Variants in EPHB3 observed in about 807,000 individuals in gnomAD.
EPHB3 encodes EPH receptor B3, also known as ephrin type-B receptor 3.
EPHB3 carries 33 observed loss-of-function variants against 100.2 expected under a neutral mutation model. The observed-to-expected ratio is 0.33, with a 90% CI of 0.25 to 0.44. The LOEUF (loss-of-function observed/expected upper bound fraction) is 0.44, where lower values mean the gene tolerates loss of function less well. EPHB3 is among the 20% of genes least tolerant of loss of function. The pLI, the probability that EPHB3 is intolerant of heterozygous loss-of-function variation, is 1.00. For synonymous variants in EPHB3, 526 were observed against 554.7 expected (o/e 0.95, Z 0.73); for missense variants, 1,045 against 1,378.3 (o/e 0.76, Z 3.83).
At position 184,580,561 on chromosome 3, in the gene EPHB3, G is replaced by A; in HGVS notation, c.2332G>A (p.Gly778Ser). 1 of 1,614,202 alleles carries A rather than the reference G, an allele frequency of 6.2e-7. No homozygotes were observed. The stretch of plus-strand genomic sequence containing the variant: ...CCTGGTCTGCAAAGTCTCAGACTTT[G>A]GCCTCTCCCGCTTCCTGGAGGATGA... ...SNLVCKVSDF[G>S]LSRFLEDDPS... The change falls in exon 12 of 16, where the codon GGC becomes AGC. Residue 778 changes from glycine to serine, a missense_variant. By Grantham distance (56) the Gly-to-Ser change is moderately conservative. Coordinates refer to ENST00000330394, the MANE Select transcript of EPHB3 (RefSeq NM_004443.4).
At chr3:184,564,666 C>T (rs1411956632) in intron 1 of EPHB3, among the ~76,000 whole-genome samples, 1 of 152,064 alleles carries the variant, frequency 6.6e-6, no homozygotes, top group Non-Finnish European at 1.5e-5. Context: ...AAGGTTGGTG[C>T]AGGGGGCTGG....
Position 184,578,786 on chromosome 3 carries a change from G to A in EPHB3, c.1801+320G>A, listed in dbSNP as rs1247021634. On this transcript the variant is annotated intron_variant, in intron 9 of 15. Transcript: ENST00000330394. The surrounding 1 kb of genome is among the most constrained non-coding windows in gnomAD (Gnocchi z 4.7). Reference sequence around the variant, plus strand: ...TGAGCTGGGTGCTCCTGTTGTAAAGGGCACTAAGAGTTTAGAGAAGAGGAA... The same window carrying A: ...TGAGCTGGGTGCTCCTGTTGTAAAGAGCACTAAGAGTTTAGAGAAGAGGAA... Among the ~76,000 whole-genome samples, 1 of 152,210 alleles carries A rather than the reference G, an allele frequency of 6.6e-6. No individual in the cohort carries two copies. Among genetic ancestry groups the A allele is most frequent in the South Asian group, 2.1e-4 (1 of 4,832 alleles).
rs146794652 is a variant in EPHB3, at chr3:184,579,835, C to T, written c.2073C>T (p.His691=). The change falls in exon 11 of 16, where the codon CAC becomes CAT. Residue 691 remains histidine (H), a synonymous_variant. Coordinates refer to ENST00000330394, the MANE Select transcript of EPHB3 (RefSeq NM_004443.4). This position sits in a 1 kb window ranked among gnomAD's most constrained non-coding sequence, Gnocchi z 5.2. ...CCTCCATCATGGGTCAGTTTGATCA[C>T]CCCAATATAATCCGGCTCGAGGGCG... ...SEASIMGQFD[H]PNIIRLEGVV... 7.0e-5 allele frequency: 113 copies of T among 1,613,522 alleles called. No homozygotes were observed. The highest frequency in any genetic ancestry group is 9.2e-5 in the Non-Finnish European group (108 of 1,179,950).
rs1174386736 is a variant in EPHB3, at chr3:184,582,289, C to T, written c.*667C>T. 2.0e-5 allele frequency: 3 copies of T among 152,206 alleles called. No individual in the cohort carries two copies. Among genetic ancestry groups the T allele is most frequent in the Non-Finnish European group, 2.9e-5 (2 of 69,010 alleles). The allele number at this position is 152,206 out of a possible 1,614,324, so 9.4% of individuals were successfully genotyped here. On this transcript the variant is annotated 3_prime_UTR_variant, in exon 16 of 16. Transcript: ENST00000330394. Reference sequence around the variant, plus strand: ...GTGTGTGTGTGTGTGCGCGCGCGCGCGCGTGTGTGTGTGCACGCACTGGCC... The same window carrying T: ...GTGTGTGTGTGTGTGCGCGCGCGCGTGCGTGTGTGTGTGCACGCACTGGCC...
chr3:184,581,569 A>G lies in EPHB3; in HGVS notation c.2944A>G (p.Ser982Gly). Residue 982 changes from serine to glycine, a missense_variant, in exon 16 of 16, where the codon AGT (serine) becomes GGT (glycine). By Grantham distance (56) the Ser-to-Gly change is moderately conservative (BLOSUM62 0). Transcript: ENST00000330394. ...LAGHQKKILS[S>G]IQDMRLQMNQ... ...CGGCCACCAGAAGAAGATCCTGAGC[A>G]GTATCCAGGACATGCGGCTGCAGAT... The G allele has an allele frequency of 6.2e-7, 1 of 1,613,924 alleles. No homozygotes were observed. The highest frequency in any genetic ancestry group is 8.5e-7 in the Non-Finnish European group (1 of 1,179,968).
Position 184,579,469 on chromosome 3 carries a change from C to T in EPHB3, c.1802-8C>T. 1.2e-6 allele frequency: 2 copies of T among 1,612,564 alleles called. No individual in the cohort carries two copies. Among genetic ancestry groups the T allele is most frequent in the Non-Finnish European group, 1.7e-6 (2 of 1,178,784 alleles). On this transcript the variant is annotated splice_region_variant and splice_polypyrimidine_tract_variant and intron_variant, in intron 9 of 15. Coordinates refer to ENST00000330394, the MANE Select transcript of EPHB3 (RefSeq NM_004443.4). This position sits in a 1 kb window ranked among gnomAD's most constrained non-coding sequence, Gnocchi z 5.2. ...TTACCCTCTCACGCCCACCTCTTCTCCCTCCAGTTGCTCCTGGAATGAAGG... is the reference window on the plus strand; with the variant it reads ...TTACCCTCTCACGCCCACCTCTTCTTCCTCCAGTTGCTCCTGGAATGAAGG...
chr3:184,571,522 C>A lies in EPHB3; in HGVS notation c.183+140C>A. 1 of 792,018 alleles carries A rather than the reference C, an allele frequency of 1.3e-6. No homozygotes were observed. 49.1% of individuals were successfully genotyped at this position (792,018 alleles called of 1,614,324 possible). A position where few individuals can be genotyped will look rare whatever the true frequency, so the allele number is the denominator to read the frequency against. ...TGCCTGTCACCCTCACTTCCTGTGCCATCCCCATCATCCTCACTTGTGACC... is the reference window on the plus strand; with the variant it reads ...TGCCTGTCACCCTCACTTCCTGTGCAATCCCCATCATCCTCACTTGTGACC... On this transcript the variant is annotated intron_variant, in intron 2 of 15. Transcript: ENST00000330394. The surrounding 1 kb of genome is among the most constrained non-coding windows in gnomAD (Gnocchi z 5.0).
At chr3:184,564,574 C>T (rs77470042) in intron 1 of EPHB3, among the ~76,000 whole-genome samples, 6,967 of 152,300 alleles carry the variant, frequency 0.046, 185 homozygotes, top group Middle Eastern at 0.068. Context: ...CTAGGGTCTG[C>T]TCCTTGGGGA....
In EPHB3 at chr3:184,580,731, C is replaced by G. The variant is rs368784730; in HGVS notation, c.2391C>G (p.Gly797=). Reference sequence around the variant, plus strand: ...AGGGCCTGTGCCCCCCTCACCAGGGCGGGAAGATCCCCATCCGCTGGACTG... The same window carrying G: ...AGGGCCTGTGCCCCCCTCACCAGGGGGGGAAGATCCCCATCCGCTGGACTG... ...PSDPTYTSSL[G]GKIPIRWTAP... The change falls in exon 13 of 16, where the codon GGC becomes GGG. Residue 797 remains glycine, a splice_region_variant and synonymous_variant. Transcript: ENST00000330394. 1 of 1,613,652 alleles carries G rather than the reference C, an allele frequency of 6.2e-7. No individual in the cohort carries two copies. The highest frequency in any genetic ancestry group is 8.5e-7 in the Non-Finnish European group (1 of 1,179,770).
chr3:184,577,630 G>C lies in EPHB3; in HGVS notation c.1480-28G>C. The C allele has an allele frequency of 6.3e-7, 1 of 1,575,708 alleles. No individual in the cohort carries two copies. Among genetic ancestry groups the C allele is most frequent in the African/African-American group, 1.3e-5 (1 of 74,506 alleles). Reference sequence around the variant, plus strand: ...CTGGTTGGCCTCAGGACCCACCTGAGGGTGCCCCCTCTCTCCTGGCATTGC... The same window carrying C: ...CTGGTTGGCCTCAGGACCCACCTGACGGTGCCCCCTCTCTCCTGGCATTGC... On this transcript the variant is annotated intron_variant, in intron 6 of 15. Coordinates refer to ENST00000330394, the MANE Select transcript of EPHB3 (RefSeq NM_004443.4). The surrounding 1 kb of genome is among the most constrained non-coding windows in gnomAD (Gnocchi z 4.9).
rs1035889775 is a variant in EPHB3, at chr3:184,571,743, G to C, written c.183+361G>C. ...AACCTTAGTTCCAGATCTTTAACTT[G>C]CTGTGTGACCTTGGGCAAGGCCGTT... On this transcript the variant is annotated intron_variant, in intron 2 of 15. Transcript: ENST00000330394. This position sits in a 1 kb window ranked among gnomAD's most constrained non-coding sequence, Gnocchi z 5.0. 1.3e-5 allele frequency among the ~76,000 whole-genome samples: 2 copies of C among 152,124 alleles called. No individual in the cohort carries two copies. The highest frequency in any genetic ancestry group is 2.9e-5 in the Non-Finnish European group (2 of 68,042).
At chr3:184,576,265 C>A (rs922236758) in intron 4 of EPHB3, among the ~76,000 whole-genome samples, 12 of 152,190 alleles carry the variant, frequency 7.9e-5, no homozygotes, top group Admixed American at 4.6e-4. Flanking sequence ...CAGGAACTGG[C>A]TCCTAGCCAT....
Position 184,569,181 on chromosome 3 carries a change from T to TCCGGCGGGCGGA in EPHB3, c.119-2116_119-2105dup, listed in dbSNP as rs562889440. 2.9e-3 allele frequency among the ~76,000 whole-genome samples: 386 copies of TCCGGCGGGCGGA among 133,376 alleles called. 2 individuals are homozygous for TCCGGCGGGCGGA. Among genetic ancestry groups the TCCGGCGGGCGGA allele is most frequent in the East Asian group, 8.2e-3 (34 of 4,122 alleles). 87.5% of individuals were successfully genotyped at this position (133,376 alleles called of 152,430 possible). On this transcript the variant is annotated intron_variant, in intron 1 of 15. Coordinates refer to ENST00000330394, the MANE Select transcript of EPHB3 (RefSeq NM_004443.4). This position sits in a 1 kb window ranked among gnomAD's most constrained non-coding sequence, Gnocchi z 5.4. ...GGGAGCGGCTGGAGCCCCGGCCTGC[T>TCCGGCGGGCGGA]CCGGCGGGCGGACCGGCGGGCGGAC...
rs1349877833 is a variant in EPHB3, at chr3:184,577,250, G to A, written c.1354+67G>A. 2 of 1,578,936 alleles carry A rather than the reference G, an allele frequency of 1.3e-6. No individual in the cohort carries two copies. The highest frequency in any genetic ancestry group is 4.5e-5 in the East Asian group (2 of 44,496). On this transcript the variant is annotated intron_variant, in intron 5 of 15. Coordinates refer to ENST00000330394, the MANE Select transcript of EPHB3 (RefSeq NM_004443.4). This position sits in a 1 kb window ranked among gnomAD's most constrained non-coding sequence, Gnocchi z 4.9. ...TCCTGGATGAGGTGTCCCAGGACCT[G>A]CTAAGGGACCACTGGGGGTCCCATG...
At chr3:184,574,503 G>T (rs1714625394) in intron 3 of EPHB3, among the ~76,000 whole-genome samples, 2 of 152,206 alleles carry the variant, frequency 1.3e-5, no homozygotes, top group Non-Finnish European at 2.9e-5. Flanking sequence ...GCATGCTGAG[G>T]GCCCTGTCTT....
rs374567246 is a variant in EPHB3 at position 184,580,777 on chromosome 3, C to T, written c.2437C>T (p.Arg813Trp). The change falls in exon 13 of 16, where the codon CGG (arginine) becomes TGG (tryptophan). Residue 813 changes from arginine (R) to tryptophan (W), a missense_variant. Arg to Trp is a moderately radical substitution (Grantham distance 101). Coordinates refer to ENST00000330394, the MANE Select transcript of EPHB3 (RefSeq NM_004443.4). ...GACTGCCCCAGAGGCCATAGCCTAT[C>T]GGAAGTTCACTTCTGCTAGTGATGT... ...RWTAPEAIAY[R>W]KFTSASDVWS... is the part of the protein sequence containing the mutation. The T allele has an allele frequency of 8.1e-6, 13 of 1,614,054 alleles. No individual in the cohort carries two copies. The highest frequency in any genetic ancestry group is 6.7e-5 in the East Asian group (3 of 44,892).
intron 1 of EPHB3, among the ~76,000 whole-genome samples, chr3:184,570,067 CG>C (rs766038424): frequency 6.6e-6 from 1 of 152,208 alleles, no homozygotes; most frequent in Non-Finnish European, 1.5e-5. Flanking sequence ...GAAACATTAA[CG>C]GGCCCCTCCT....
chr3:184,564,664 T>C (rs1714339882), intron 1 of EPHB3, among the ~76,000 whole-genome samples: 1 of 151,918 alleles, frequency 6.6e-6, no homozygotes, highest in South Asian at 2.1e-4. Flanking sequence ...GGAAGGTTGG[T>C]GCAGGGGGCT....
At position 184,578,256 on chromosome 3, in the gene EPHB3, C is replaced by A; in HGVS notation, c.1749-158C>A. 8.9e-7 allele frequency: 1 copy of A among 1,124,570 alleles called. No individual in the cohort carries two copies. Among genetic ancestry groups the A allele is most frequent in the African/African-American group, 1.5e-5 (1 of 64,880 alleles). 69.7% of individuals were successfully genotyped at this position (1,124,570 alleles called of 1,614,324 possible). On this transcript the variant is annotated intron_variant, in intron 8 of 15. Transcript: ENST00000330394. The surrounding 1 kb of genome is among the most constrained non-coding windows in gnomAD (Gnocchi z 4.7). ...GGGACTGAGTCCACTGAACCCCTTGCTCAGACACCCAGAGACTGCTGTGAC... is the reference window on the plus strand; with the variant it reads ...GGGACTGAGTCCACTGAACCCCTTGATCAGACACCCAGAGACTGCTGTGAC...
Sources: gnomAD v4.1 joint callset for allele counts (sites outside exome capture counted in the v4.1 genomes callset) on GRCh38, gnomAD v4.1.1 for gene constraint, Gnocchi (gnomAD v3.1) non-coding constraint, MANE v1.5 for transcripts, NCBI Gene and HGNC (gene_info 2026-07-23, HGNC 2026-07-21) for gene names.